Variants in ZNF519 observed in about 807,000 individuals in gnomAD.
ZNF519 encodes similar to Zinc finger protein 85 (Zinc finger protein HPF4) (HTF1).
ZNF519 carries 7 observed loss-of-function variants against 7.4 expected under a neutral mutation model. That is an observed-to-expected ratio of 0.94 (90% CI 0.54 to 1.77). The LOEUF (loss-of-function observed/expected upper bound fraction) is 1.77. Ranked by LOEUF, ZNF519 falls within the 40% of genes most tolerant of loss-of-function variation. The probability of loss-of-function intolerance (pLI) is 0.00; values close to 1 mark genes in which losing one functional copy is unlikely to be tolerated. For synonymous variants in ZNF519, 179 were observed against 203.3 expected (o/e 0.88, Z 1.02); for missense variants, 586 against 623.1 (o/e 0.94, Z 0.63).
downstream of ZNF519, chr18:14,071,709 C>G (rs1490713216): frequency 1.3e-5 from 2 of 151,976 alleles, no homozygotes; most frequent in Non-Finnish European, 2.9e-5. Context: ...TGCAGGACAC[C>G]AATACTTCTA....
downstream of ZNF519, chr18:14,099,883 A>T (rs2046151984): frequency 6.6e-6 from 1 of 152,214 alleles, no homozygotes; most frequent in African/African-American, 2.4e-5. Context: ...TTCTAATTAT[A>T]AAAAAAGTTG....
intron 2 of ZNF519, among the ~76,000 whole-genome samples, chr18:14,087,403 T>G (rs1342556691): frequency 8.5e-5 from 13 of 152,216 alleles, no homozygotes; most frequent in Admixed American, 8.5e-4. Flanking sequence ...TAATATATTA[T>G]TTTTATTAGA....
At chr18:14,087,196 C>T (rs1266432204) in intron 2 of ZNF519, among the ~76,000 whole-genome samples, 1 of 151,864 alleles carries the variant, frequency 6.6e-6, no homozygotes, top group African/African-American at 2.4e-5. Flanking sequence ...AGAAATATAC[C>T]TCAATATAAT....
Position 14,105,020 on chromosome 18 carries a change from T to A in ZNF519, c.1520A>T (p.Gln507Leu). 6.2e-7 allele frequency: 1 copy of A among 1,604,224 alleles called. No homozygotes were observed. Among genetic ancestry groups the A allele is most frequent in the Non-Finnish European group, 8.5e-7 (1 of 1,174,080 alleles). The change falls in exon 3 of 3, where the codon CAG (glutamine) becomes CTG (leucine). Residue 507 changes from glutamine (Q) to leucine (L), a missense_variant. By Grantham distance (113) the Gln-to-Leu change is moderately radical. Transcript: ENST00000590202. ...AGGTTTCTCTCCAGTATGAATTCTCTGATGTTGAGTAAGGTGTGAGCTCCT... is the reference window on the plus strand; with the variant it reads ...AGGTTTCTCTCCAGTATGAATTCTCAGATGTTGAGTAAGGTGTGAGCTCCT... ...FTRSSHLTQH[Q>L]RIHTGEKPFK... is the part of the protein sequence containing the mutation.
In ZNF519 at chr18:14,105,097, G is replaced by T. The variant is rs879080263; in HGVS notation, c.1443C>A (p.Val481=). The change falls in exon 3 of 3, where the codon GTC becomes GTA. Residue 481 remains valine, a synonymous_variant. Coordinates refer to ENST00000590202, the MANE Select transcript of ZNF519 (RefSeq NM_145287.4). ...WGSHLTQHQR[V]HTGEKFFKCK... is the part of the protein sequence containing the mutation. ...ATTTGAAGAATTTCTCTCCAGTATG[G>T]ACTCTCTGATGTTGAGTAAGGTGTG... 2 of 1,612,170 alleles carry T rather than the reference G, an allele frequency of 1.2e-6. No individual in the cohort carries two copies. The highest frequency in any genetic ancestry group is 2.7e-5 in the African/African-American group (2 of 74,764).
rs78436104 is a variant in ZNF519, at chr18:14,084,584, G to C, written c.*177+293C>G. 1.8e-4 allele frequency among the ~76,000 whole-genome samples: 27 copies of C among 152,154 alleles called. No individual in the cohort carries two copies. In the East Asian group the frequency reaches 4.9e-3, roughly 27 times the overall value. ...CACAGTCCCTGCACAGGATCACCAG[G>C]GGAGGGTGGGCAGAGCTTTTCCCTT... On this transcript the variant is annotated intron_variant and NMD_transcript_variant, in intron 3 of 4. Coordinates refer to the ZNF519 transcript ENST00000587419.
rs1456597130 is a variant in ZNF519, at chr18:14,106,209, T to G, written c.331A>C (p.Lys111Gln). The G allele has an allele frequency of 6.2e-7, 1 of 1,613,162 alleles. No individual in the cohort carries two copies. The highest frequency in any genetic ancestry group is 1.1e-5 in the South Asian group (1 of 90,888). ...TTGTCTCCTTTCACAGTTAAATGTT[T>G]GTTATGACTAGTTGTCAAATATTGG... ...CSQYLTTSHNKHLTVKGDKEY... is the reference protein window; with the variant it reads ...CSQYLTTSHNQHLTVKGDKEY... Residue 111 changes from lysine (K) to glutamine (Q), a missense_variant, in exon 3 of 3, where the codon AAA (lysine) becomes CAA (glutamine). Transcript: ENST00000590202.
chr18:14,116,564 G>T (rs529453438), intron 2 of ZNF519, among the ~76,000 whole-genome samples: 65 of 152,300 alleles, frequency 4.3e-4, no homozygotes, highest in African/African-American at 1.5e-3. Context: ...TTAAGGAAAA[G>T]ATAGTCTCTT....
chr18:14,094,411 T>C (rs929962679), intron 2 of ZNF519, among the ~76,000 whole-genome samples: 5 of 152,222 alleles, frequency 3.3e-5, no homozygotes, highest in African/African-American at 1.2e-4. Flanking sequence ...AACATTAGCA[T>C]TGAGTGCTAC....
At position 14,101,325 on chromosome 18, in the gene ZNF519, T is replaced by A. The variant is rs1197797345; in HGVS notation, c.*3592A>T. The A allele has an allele frequency of 5.8e-6, 1 of 172,778 alleles. No homozygotes were observed. The highest frequency in any genetic ancestry group is 1.2e-5 in the Non-Finnish European group (1 of 81,894). The allele number at this position is 172,778 out of a possible 1,614,324, so 10.7% of individuals were successfully genotyped here. A position where few individuals can be genotyped will look rare whatever the true frequency, so the allele number is the denominator to read the frequency against. On this transcript the variant is annotated 3_prime_UTR_variant, in exon 3 of 3. Transcript: ENST00000590202. ...AGGTCTCATCCAGATTTAGGGCTGA[T>A]TTATTTCCGCACTCAGAGGGATAAA...
Position 14,124,244 on chromosome 18 carries a change from C to A in ZNF519, c.130+106G>T. 6.8e-6 allele frequency: 7 copies of A among 1,026,258 alleles called. No individual in the cohort carries two copies. The South Asian group carries it at 8.2e-5, about 12-fold the overall frequency. The allele number at this position is 1,026,258 out of a possible 1,614,324, so 63.6% of individuals were successfully genotyped here. ...TCCCATTTTTTCTTGAAGAAAAGAACTGAAATTAATTCATGCAAAGCAGAA... is the reference window on the plus strand; with the variant it reads ...TCCCATTTTTTCTTGAAGAAAAGAAATGAAATTAATTCATGCAAAGCAGAA... On this transcript the variant is annotated intron_variant, in intron 2 of 2. Transcript: ENST00000590202.
At chr18:14,093,370 C>A (rs982191711) in intron 2 of ZNF519, among the ~76,000 whole-genome samples, 3 of 152,196 alleles carry the variant, frequency 2.0e-5, no homozygotes, top group Admixed American at 6.5e-5. Flanking sequence ...GAGGGACTCT[C>A]TTTCCTACCA....
chr18:14,111,577 CAA>C (rs2046221331), intron 2 of ZNF519, among the ~76,000 whole-genome samples: 1 of 145,150 alleles, frequency 6.9e-6, no homozygotes. Context: ...TAAATAATAA[CAA>C]AGATGAAAAA....
intron 2 of ZNF519, among the ~76,000 whole-genome samples, chr18:14,111,851 A>G (rs1403053447): frequency 6.6e-6 from 1 of 152,214 alleles, no homozygotes. Flanking sequence ...AACATGTATA[A>G]AACTAATAGC....
At chr18:14,119,334 C>CT (rs1243299256) in intron 2 of ZNF519, among the ~76,000 whole-genome samples, 2 of 152,200 alleles carry the variant, frequency 1.3e-5, no homozygotes, top group African/African-American at 2.4e-5. Context: ...AACAGGGCTG[C>CT]TTCAGGGACC....
chr18:14,097,965 T>C (rs1206504460), downstream of ZNF519, among the ~76,000 whole-genome samples: 1 of 147,252 alleles, frequency 6.8e-6, no homozygotes, highest in Non-Finnish European at 1.5e-5. Context: ...CTATGGCTGA[T>C]GACCTCATAT....
chr18:14,079,706 A>G (rs1385260705), intron 3 of ZNF519, among the ~76,000 whole-genome samples: 2 of 152,242 alleles, frequency 1.3e-5, no homozygotes, highest in Non-Finnish European at 2.9e-5. Context: ...GGACATATAC[A>G]TATTAAAATA....
chr18:14,131,884 G>A (rs961423359), intron 1 of ZNF519, among the ~76,000 whole-genome samples: 1 of 152,148 alleles, frequency 6.6e-6, no homozygotes, highest in Non-Finnish European at 1.5e-5. Flanking sequence ...ATTAATCACT[G>A]TTTACTCATA....
intron 1 of ZNF519, 120 bp downstream of exon 1, chr18:14,132,155 G>A (rs1363285725): frequency 3.4e-6 from 4 of 1,184,438 alleles, no homozygotes; most frequent in Admixed American, 3.4e-5. Flanking sequence ...CCCTGCACCG[G>A]AGGGGACTGA....
Sources: gnomAD v4.1 joint callset for allele counts (sites outside exome capture counted in the v4.1 genomes callset) on GRCh38, gnomAD v4.1.1 for gene constraint, MANE v1.5 for transcripts, NCBI Gene and HGNC (gene_info 2026-07-23, HGNC 2026-07-21) for gene names.